The following UTRN variants were observed in gnomAD, a reference collection of about 807,000 sequenced individuals.
UTRN encodes the protein dystrophin-related protein 1.
Under a neutral mutation model 463.9 loss-of-function variants are expected in UTRN, and 283 were observed. The observed-to-expected ratio is 0.61, with a 90% CI of 0.55 to 0.67. The LOEUF is 0.67. Ranked by LOEUF, UTRN falls within the 30% of genes least tolerant of loss-of-function variation. The pLI, the probability that UTRN is intolerant of heterozygous loss-of-function variation, is 0.00. For missense variants in UTRN, 3,922 were observed against 4,084.3 expected, an observed-to-expected ratio of 0.96 and a Z score of 1.08; for synonymous variants, 1,442 against 1,431.5, an observed-to-expected ratio of 1.01 and a Z score of -0.17.
intron 17 of UTRN, among the ~76,000 whole-genome samples, chr6:144,450,428 C>T (rs146438486): frequency 3.3e-5 from 5 of 152,280 alleles, no homozygotes; most frequent in Non-Finnish European, 7.4e-5. Flanking sequence ...CTCTGCTTTC[C>T]CTTGGCAAGG....
chr6:144,542,611 A>G (rs1486820545), intron 45 of UTRN, among the ~76,000 whole-genome samples, 184 bp from the exon 46 acceptor site: 3 of 152,182 alleles, frequency 2.0e-5, no homozygotes, highest in Non-Finnish European at 4.4e-5. Context: ...TTTTGATAGC[A>G]ATGTCAGTGG....
chr6:144,778,848 G>A lies in UTRN; in HGVS notation c.8633-3074G>A, dbSNP rs73594557. On this transcript the variant is annotated intron_variant, in intron 60 of 74. Coordinates refer to ENST00000367545, the MANE Select transcript of UTRN (RefSeq NM_007124.3). ...TGTTTGTTTCATTTACCACATGACT[G>A]AGCTGTCATTTGTCTCCCTTTGAAA... 5.9e-3 allele frequency among the ~76,000 whole-genome samples: 900 copies of A among 152,240 alleles called. 10 individuals carry two copies. Among genetic ancestry groups the A allele is most frequent in the African/African-American group, 0.021 (866 of 41,538 alleles).
At chr6:144,849,000 G>A (rs1288704353) in intron 74 of UTRN, among the ~76,000 whole-genome samples, 1 of 152,056 alleles carries the variant, frequency 6.6e-6, no homozygotes, top group African/African-American at 2.4e-5. Context: ...TATGAGGAAT[G>A]GGGGAGAATG....
Position 144,530,158 on chromosome 6 carries a change from A to G in UTRN, c.5907-894A>G, listed in dbSNP as rs185035361. Among the ~76,000 whole-genome samples, 3 of 152,320 alleles carry G rather than the reference A, an allele frequency of 2.0e-5. No individual in the cohort carries two copies. The East Asian group carries it at 5.8e-4, about 29-fold the overall frequency. On this transcript the variant is annotated intron_variant, in intron 41 of 74. Transcript: ENST00000367545. ...TAAGATAACATAGACTGGGTAGCTTAAACAACAGACATTTACTTTCCCACA... is the reference window on the plus strand; with the variant it reads ...TAAGATAACATAGACTGGGTAGCTTGAACAACAGACATTTACTTTCCCACA...
At chr6:144,690,091 T>TGTGTGTGTGTGTG (rs1447726041) in intron 52 of UTRN, among the ~76,000 whole-genome samples, 2 of 34,416 alleles carry the variant, frequency 5.8e-5, no homozygotes, top group African/African-American at 3.0e-4. Flanking sequence ...TTTTTTTTTT[T>TGTGTGTGTGTGTG]TTTTTGTGTG....
intron 54 of UTRN, among the ~76,000 whole-genome samples, chr6:144,740,348 T>C (rs1313606945): frequency 6.6e-6 from 1 of 152,336 alleles, no homozygotes; most frequent in East Asian, 1.9e-4. Context: ...TGTTGCTCTT[T>C]CTTCACTGAA....
At chr6:144,677,428 C>T (rs947676723) in intron 51 of UTRN, among the ~76,000 whole-genome samples, 1 of 152,102 alleles carries the variant, frequency 6.6e-6, no homozygotes, top group Non-Finnish European at 1.5e-5. Flanking sequence ...ATCCATGTCC[C>T]TGCAAAGGAC....
intron 51 of UTRN, among the ~76,000 whole-genome samples, chr6:144,590,466 A>G (rs1196731757): frequency 6.6e-6 from 1 of 152,192 alleles, no homozygotes; most frequent in Non-Finnish European, 1.5e-5. Flanking sequence ...AGGACATAAT[A>G]GCTCCCTAAG....
At chr6:144,815,221 T>C (rs1015330777) in intron 65 of UTRN, among the ~76,000 whole-genome samples, 1 of 152,240 alleles carries the variant, frequency 6.6e-6, no homozygotes, top group African/African-American at 2.4e-5. Context: ...CATTTCATGA[T>C]ACTGAAAATT....
chr6:144,788,349 C>T (rs1043461096), intron 61 of UTRN, among the ~76,000 whole-genome samples: 1 of 151,908 alleles, frequency 6.6e-6, no homozygotes, highest in African/African-American at 2.4e-5. Context: ...ACTTAAATAC[C>T]AATATTTATA....
chr6:144,495,353 C>T (rs1793521557), intron 33 of UTRN, among the ~76,000 whole-genome samples: 1 of 152,246 alleles, frequency 6.6e-6, no homozygotes, highest in South Asian at 2.1e-4. Context: ...GCTGGCACTG[C>T]TGGGGGACCC....
At chr6:144,696,611 G>A (rs1460322907) in intron 52 of UTRN, among the ~76,000 whole-genome samples, 1 of 151,922 alleles carries the variant, frequency 6.6e-6, no homozygotes, top group Non-Finnish European at 1.5e-5. Flanking sequence ...ACTAATAAAG[G>A]TATTTTCTTT....
At chr6:144,537,074 C>T (rs1373007626) in intron 43 of UTRN, among the ~76,000 whole-genome samples, 1 of 152,118 alleles carries the variant, frequency 6.6e-6, no homozygotes, top group East Asian at 1.9e-4. Context: ...AAGATTCTCC[C>T]ATTCTTGATA....
intron 18 of UTRN, among the ~76,000 whole-genome samples, 173 bp downstream of exon 18, chr6:144,451,666 T>C (rs1224908228): frequency 6.7e-6 from 1 of 149,554 alleles, no homozygotes; most frequent in Non-Finnish European, 1.5e-5. Context: ...CTAGCTGTCA[T>C]CAGATCCCTA....
chr6:144,410,633 C>G (rs1385248489), intron 3 of UTRN, among the ~76,000 whole-genome samples: 1 of 149,630 alleles, frequency 6.7e-6, no homozygotes, highest in East Asian at 2.1e-4. Flanking sequence ...ACCTTTGGAT[C>G]CTCACAGCTT....
chr6:144,596,063 G>C (rs1803610926), intron 51 of UTRN, among the ~76,000 whole-genome samples: 1 of 152,182 alleles, frequency 6.6e-6, no homozygotes, highest in African/African-American at 2.4e-5. Flanking sequence ...AAGCTGAGCA[G>C]TAAGCTTGAT....
In UTRN at chr6:144,688,993, G is replaced by A. The variant is rs191372550; in HGVS notation, c.7652+10415G>A. Among the ~76,000 whole-genome samples, 33 of 152,232 alleles carry A rather than the reference G, an allele frequency of 2.2e-4. No individual in the cohort carries two copies. In the East Asian group the frequency reaches 6.4e-3, roughly 29 times the overall value. On this transcript the variant is annotated intron_variant, in intron 52 of 74. Transcript: ENST00000367545. ...CTGAGGTCTTTTCAGGGAAAAGGGA[G>A]GAAGCTACCTCAGCCCTCCTGTCAG...
At chr6:144,720,439 C>A (rs1362052224) in intron 53 of UTRN, among the ~76,000 whole-genome samples, 4 of 152,158 alleles carry the variant, frequency 2.6e-5, no homozygotes, top group Non-Finnish European at 5.9e-5. Context: ...AAAGAGCACC[C>A]TGAGTTCGAA....
intron 2 of UTRN, chr6:144,330,982 G>C: frequency 1.0e-6 from 1 of 985,394 alleles, no homozygotes; most frequent in Non-Finnish European, 1.2e-6. Context: ...AGTGAGATCT[G>C]AATCCACAAA....
Sources: gnomAD v4.1 joint callset for allele counts (sites outside exome capture counted in the v4.1 genomes callset) on GRCh38, gnomAD v4.1.1 for gene constraint, MANE v1.5 for transcripts, NCBI Gene and HGNC (gene_info 2026-07-23, HGNC 2026-07-21) for gene names.